The following KCNAB2 variants were observed in gnomAD, a reference collection of about 807,000 sequenced individuals.
The protein encoded by KCNAB2 is potassium voltage-gated channel subfamily A regulatory beta subunit 2.
KCNAB2 carries 29 observed loss-of-function variants against 63.6 expected under a neutral mutation model. The observed-to-expected ratio is 0.46, with a 90% CI of 0.34 to 0.62. The LOEUF is 0.62. Among genes scored for constraint, KCNAB2 ranks in the 20% least tolerant of loss-of-function variants. KCNAB2 has a pLI of 0.01. For synonymous variants in KCNAB2, 222 were observed against 224.2 expected, an observed-to-expected ratio of 0.99 and a Z score of 0.09; for missense variants, 359 against 563.9, an observed-to-expected ratio of 0.64 and a Z score of 3.68.
intron 5 of KCNAB2, among the ~76,000 whole-genome samples, chr1:6,084,678 T>C (rs894334344): frequency 2.0e-5 from 3 of 151,940 alleles, no homozygotes; most frequent in African/African-American, 7.3e-5. Flanking sequence ...TAGCCGGGCG[T>C]GGTGGCAGGT....
At chr1:6,081,131 A>G (rs778349098) in intron 4 of KCNAB2, among the ~76,000 whole-genome samples, 1 of 152,236 alleles carries the variant, frequency 6.6e-6, no homozygotes, top group Non-Finnish European at 1.5e-5. Context: ...ATGGAGCACA[A>G]TCGCGTCCTG....
intron 1 of KCNAB2, chr1:6,007,376 T>C (rs1657865453): frequency 6.6e-6 from 1 of 152,300 alleles, no homozygotes; most frequent in Admixed American, 6.5e-5. Flanking sequence ...ACCAGGACAC[T>C]GGCCTCTTCT....
At chr1:6,060,397 T>C (rs1662209742) in intron 2 of KCNAB2, among the ~76,000 whole-genome samples, 1 of 152,186 alleles carries the variant, frequency 6.6e-6, no homozygotes, top group Non-Finnish European at 1.5e-5. Context: ...GGACTCCTCC[T>C]CCAGGAAGGC....
chr1:6,059,900 A>C (rs1033586940), intron 2 of KCNAB2, among the ~76,000 whole-genome samples: 3 of 152,086 alleles, frequency 2.0e-5, no homozygotes, highest in Non-Finnish European at 4.4e-5. Context: ...GCCTTGTCCT[A>C]GCATCACCTG....
chr1:6,017,406 CTGTGTGTGTGTG>C (rs56202547), intron 1 of KCNAB2, among the ~76,000 whole-genome samples: 2 of 147,300 alleles, frequency 1.4e-5, no homozygotes, highest in East Asian at 2.0e-4. Flanking sequence ...CCATACCTGG[CTGTGTGTGTGTG>C]TGTGTGTGTG....
At chr1:6,037,431 C>CG (rs1660134795) in intron 1 of KCNAB2, among the ~76,000 whole-genome samples, 1 of 152,188 alleles carries the variant, frequency 6.6e-6, no homozygotes, top group Non-Finnish European at 1.5e-5. Context: ...TCCCTGGGGA[C>CG]GGGCTGTGGT....
At chr1:6,084,764 C>T (rs928660950) in intron 5 of KCNAB2, among the ~76,000 whole-genome samples, 3 of 136,638 alleles carry the variant, frequency 2.2e-5, no homozygotes, top group South Asian at 5.3e-4. Context: ...TGCAGAGAGC[C>T]GAGATCTCGC....
At position 6,071,239 on chromosome 1, in the gene KCNAB2, C is replaced by A. The variant is rs1174202339; in HGVS notation, c.219-1516C>A. ...AGAGGATAAACTGAGGACATCGCATCCTCCGAAGTTGGAAGTGTCATGGCC... is the reference window on the plus strand; with the variant it reads ...AGAGGATAAACTGAGGACATCGCATACTCCGAAGTTGGAAGTGTCATGGCC... On this transcript the variant is annotated intron_variant, in intron 2 of 15. Transcript: ENST00000378083. The surrounding 1 kb of genome is among the most constrained non-coding windows in gnomAD (Gnocchi z 8.5). Among the ~76,000 whole-genome samples the A allele has an allele frequency of 6.6e-6, 1 of 152,208 alleles. No individual in the cohort carries two copies. Among genetic ancestry groups the A allele is most frequent in the East Asian group, 1.9e-4 (1 of 5,182 alleles).
In KCNAB2 at chr1:6,028,381, A is replaced by G. The variant is rs1223523360; in HGVS notation, c.-52-12136A>G. ...AGCAGACCATGGTTTTGTGTTATAC[A>G]GTAGTCACGGCAGATACTTCGGGGG... On this transcript the variant is annotated intron_variant, in intron 1 of 16. Coordinates refer to the KCNAB2 transcript ENST00000341524. This position sits in a 1 kb window ranked among gnomAD's most constrained non-coding sequence, Gnocchi z 4.0. Among the ~76,000 whole-genome samples the G allele has an allele frequency of 6.6e-6, 1 of 152,214 alleles. No homozygotes were observed. Among genetic ancestry groups the G allele is most frequent in the African/African-American group, 2.4e-5 (1 of 41,448 alleles).
At chr1:6,062,316 CA>C (rs201396829) in intron 2 of KCNAB2, among the ~76,000 whole-genome samples, 70 of 143,136 alleles carry the variant, frequency 4.9e-4, no homozygotes, top group South Asian at 2.4e-3. Context: ...AAAAGAAGTC[CA>C]AAAAAAAAAA....
At chr1:6,020,245 C>G (rs1475549556) in intron 1 of KCNAB2, among the ~76,000 whole-genome samples, 1 of 152,158 alleles carries the variant, frequency 6.6e-6, no homozygotes. Flanking sequence ...GTAGAAATAG[C>G]TAGAAGCTAT....
chr1:6,073,902 T>G lies in KCNAB2; in HGVS notation c.300+132T>G. On this transcript the variant is annotated intron_variant, in intron 4 of 15. Transcript: ENST00000378083. The surrounding 1 kb of genome is among the most constrained non-coding windows in gnomAD (Gnocchi z 5.7). ...CAGCAGCCTCCCTCCCTCTTTCTGT[T>G]TTGTGAGGGCGCCCTGCCCCAGGGG... 2.2e-6 allele frequency: 2 copies of G among 914,972 alleles called. No homozygotes were observed. The highest frequency in any genetic ancestry group is 1.8e-6 in the Non-Finnish European group (1 of 570,554). The allele number at this position is 914,972 out of a possible 1,614,324, so 56.7% of individuals were successfully genotyped here.
intron 1 of KCNAB2, among the ~76,000 whole-genome samples, chr1:6,009,457 G>A (rs1179928385): frequency 6.6e-6 from 1 of 152,192 alleles, no homozygotes; most frequent in East Asian, 1.9e-4. Flanking sequence ...ACCTTCAGAT[G>A]CACGTCCCCT....
upstream of KCNAB2, among the ~76,000 whole-genome samples, chr1:6,031,049 A>G (rs749402596): frequency 6.6e-6 from 1 of 152,006 alleles, no homozygotes; most frequent in Non-Finnish European, 1.5e-5. This position sits in a 1 kb window ranked among gnomAD's most constrained non-coding sequence, Gnocchi z 4.1. Flanking sequence ...TGCCCTCCCT[A>G]TGCAAATCAG....
intron 1 of KCNAB2, among the ~76,000 whole-genome samples, chr1:6,016,445 C>T (rs1658504716): frequency 6.6e-6 from 1 of 152,246 alleles, no homozygotes; most frequent in South Asian, 2.1e-4. Flanking sequence ...TGTCCACCCC[C>T]TTGAGACCAC....
At chr1:6,030,659 G>A (rs939872753), upstream of KCNAB2, among the ~76,000 whole-genome samples, 47 of 14,130 alleles carry the variant, frequency 3.3e-3, no homozygotes, top group East Asian at 0.036. Context: ...ATGTATGTAC[G>A]TGTATGGGGT....
chr1:6,004,035 G>A (rs938907495), intron 1 of KCNAB2, among the ~76,000 whole-genome samples: 5 of 152,158 alleles, frequency 3.3e-5, no homozygotes, highest in Admixed American at 6.5e-5. Context: ...ACAGTCCCCC[G>A]GAGAGCAGGG....
At chr1:6,077,501 G>A (rs1231487731) in intron 4 of KCNAB2, among the ~76,000 whole-genome samples, 2 of 152,196 alleles carry the variant, frequency 1.3e-5, no homozygotes, top group East Asian at 3.8e-4. Flanking sequence ...TGAGGGACAG[G>A]TGAGGTTAGG....
At chr1:6,049,419 G>C (rs989450816) in intron 1 of KCNAB2, among the ~76,000 whole-genome samples, 1 of 152,208 alleles carries the variant, frequency 6.6e-6, no homozygotes, top group Non-Finnish European at 1.5e-5. Context: ...GGATGATGGC[G>C]AGCGCCATGG....
Sources: allele counts gnomAD v4.1 joint callset (sites outside exome capture counted in the v4.1 genomes callset), GRCh38; gene constraint gnomAD v4.1.1; non-coding constraint Gnocchi (gnomAD v3.1); transcripts MANE v1.5; gene names NCBI Gene and HGNC (gene_info 2026-07-23, HGNC 2026-07-21).